PHF2: variants seen among roughly 807,000 people sequenced by gnomAD.
The protein encoded by PHF2 is lysine-specific demethylase PHF2.
A neutral mutation model predicts 120.5 loss-of-function variants in PHF2; 27 were observed. The ratio of observed to expected loss-of-function variants is 0.22; its 90% CI spans 0.17 to 0.31. PHF2 has a LOEUF of 0.31. PHF2 is among the 10% of genes least tolerant of loss of function. The pLI is 1.00. For synonymous variants in PHF2, 568 were observed against 592.5 expected (o/e 0.96, Z 0.60); for missense variants, 1,024 against 1,434.8 (o/e 0.71, Z 4.63).
intron 20 of PHF2, 70 bp from the exon 21 acceptor site, chr9:93,676,524 C>G (rs902399580): frequency 6.5e-7 from 1 of 1,526,920 alleles, no homozygotes; most frequent in Non-Finnish European, 8.8e-7. Context: ...AAGGCCATGC[C>G]GGGAGCTCCC....
intron 1 of PHF2, 126 bp downstream of exon 1, chr9:93,576,997 CATTCCGGG>C: frequency 4.3e-6 from 1 of 231,966 alleles, no homozygotes; most frequent in Non-Finnish European, 7.0e-6. Flanking sequence ...GCCGCCGCCG[CATTCCGGG>C]CGCCCCGGTC....
chr9:93,617,642 A>G (rs1825750231), intron 1 of PHF2, among the ~76,000 whole-genome samples: 1 of 152,170 alleles, frequency 6.6e-6, no homozygotes, highest in Admixed American at 6.5e-5. Flanking sequence ...GACAGAACTA[A>G]TAGATATGTA....
intron 16 of PHF2, 71 bp from the exon 17 acceptor site, chr9:93,667,009 T>G (rs531157704): frequency 7.5e-7 from 1 of 1,324,976 alleles, no homozygotes; most frequent in South Asian, 1.6e-5. Context: ...AAAAGTATCC[T>G]CCTCCCAACT....
At chr9:93,629,904 C>T (rs889249018) in intron 1 of PHF2, 66 bp from the exon 2 acceptor site, 26 of 1,487,218 alleles carry the variant, frequency 1.7e-5, no homozygotes, top group Middle Eastern at 1.7e-4. Flanking sequence ...CCTAGAGCTT[C>T]GCAGATGGAA....
At chr9:93,671,144 G>A in intron 17 of PHF2, 1 of 983,046 alleles carries the variant, frequency 1.0e-6, no homozygotes. Context: ...AGGTGCAGAT[G>A]CAGGTGTGGA....
intron 1 of PHF2, among the ~76,000 whole-genome samples, chr9:93,610,482 A>T (rs1204692892): frequency 3.9e-5 from 6 of 152,148 alleles, no homozygotes; most frequent in Admixed American, 3.9e-4. Flanking sequence ...CTCTCAGCTT[A>T]CATCACCTAT....
chr9:93,661,845 TTGA>T (rs1203660509), intron 12 of PHF2, among the ~76,000 whole-genome samples: 2 of 151,370 alleles, frequency 1.3e-5, no homozygotes, highest in African/African-American at 4.9e-5. Flanking sequence ...GATGGATGGA[TTGA>T]TGAATAAATG....
intron 1 of PHF2, among the ~76,000 whole-genome samples, chr9:93,579,567 A>C (rs1862896064): frequency 6.6e-6 from 1 of 152,144 alleles, no homozygotes; most frequent in African/African-American, 2.4e-5. Flanking sequence ...TTTAATCCTC[A>C]TGTCTCCTTA....
intron 2 of PHF2, among the ~76,000 whole-genome samples, chr9:93,636,019 A>G (rs1233856970): frequency 1.3e-5 from 2 of 151,972 alleles, no homozygotes; most frequent in Admixed American, 6.6e-5. Context: ...TAGGGAAGTG[A>G]CAGAGTCCAG....
In PHF2 at chr9:93,665,930, C is replaced by T. The variant is rs1360448876; in HGVS notation, c.2117-60C>T. Reference sequence around the variant, plus strand: ...GCCCATCCTGCCCCGGAGAGGTCTTCCCAGGGTGGCTGGCTCCCCGCAAGG... The same window carrying T: ...GCCCATCCTGCCCCGGAGAGGTCTTTCCAGGGTGGCTGGCTCCCCGCAAGG... On this transcript the variant is annotated intron_variant, in intron 15 of 21. Coordinates refer to ENST00000359246, the MANE Select transcript of PHF2 (RefSeq NM_005392.4). 6.8e-6 allele frequency: 11 copies of T among 1,611,848 alleles called. No homozygotes were observed. In the Admixed American group the frequency reaches 1.0e-4, roughly 15 times the overall value.
At chr9:93,673,510 C>T in intron 17 of PHF2, 75 bp from the exon 18 acceptor site, 1 of 1,368,270 alleles carries the variant, frequency 7.3e-7, no homozygotes, top group Non-Finnish European at 1.0e-6. Flanking sequence ...TTGTGCAGGC[C>T]ATAGGCTGTT....
At chr9:93,627,909 T>C (rs1825941050) in intron 1 of PHF2, among the ~76,000 whole-genome samples, 1 of 152,212 alleles carries the variant, frequency 6.6e-6, no homozygotes, top group Admixed American at 6.5e-5. Context: ...CTGCTGCTTC[T>C]TGTATTTTAC....
In PHF2 at chr9:93,677,659, G is replaced by A. The variant is rs1826943918; in HGVS notation, c.3274G>A (p.Gly1092Arg). Residue 1092 changes from glycine (G) to arginine (R), a missense_variant, in exon 22 of 22, where the codon GGG becomes AGG. Coordinates refer to ENST00000359246, the MANE Select transcript of PHF2 (RefSeq NM_005392.4). This position sits in a 1 kb window ranked among gnomAD's most constrained non-coding sequence, Gnocchi z 4.4. Reference sequence around the variant, plus strand: ...GAAAATTTTGAAAATTCATCGGAACGGGAAACTACTCCTTTAAGATTTGGA... The same window carrying A: ...GAAAATTTTGAAAATTCATCGGAACAGGAAACTACTCCTTTAAGATTTGGA... ...LGKILKIHRN[G>R]KLLL 1.2e-6 allele frequency: 2 copies of A among 1,613,348 alleles called. No homozygotes were observed. The highest frequency in any genetic ancestry group is 1.7e-6 in the Non-Finnish European group (2 of 1,179,474).
At chr9:93,606,840 T>G (rs187835565) in intron 1 of PHF2, among the ~76,000 whole-genome samples, 3 of 152,266 alleles carry the variant, frequency 2.0e-5, no homozygotes, top group African/African-American at 7.2e-5. Context: ...ATTTTACATT[T>G]AGGTCTATGA....
intron 17 of PHF2, among the ~76,000 whole-genome samples, chr9:93,669,363 T>C (rs1258653631): frequency 6.6e-6 from 1 of 152,202 alleles, no homozygotes; most frequent in Non-Finnish European, 1.5e-5. Flanking sequence ...GAGATGTCAG[T>C]GAGGGCAGGA....
rs1826243248 is a variant in PHF2 at position 93,645,613 on chromosome 9, C to T, written c.300-16C>T. ...CCTCGGGCCCAATGTGGCCTCTGACCTGTGCTTCCCTGCAGTGCTGAAGAC... is the reference window on the plus strand; with the variant it reads ...CCTCGGGCCCAATGTGGCCTCTGACTTGTGCTTCCCTGCAGTGCTGAAGAC... On this transcript the variant is annotated splice_polypyrimidine_tract_variant and intron_variant, in intron 3 of 21. Transcript: ENST00000359246. The T allele has an allele frequency of 4.5e-6, 7 of 1,564,368 alleles. No homozygotes were observed. The highest frequency in any genetic ancestry group is 5.2e-6 in the Non-Finnish European group (6 of 1,150,500).
intron 1 of PHF2, among the ~76,000 whole-genome samples, chr9:93,616,924 G>A (rs1270555903): frequency 6.6e-6 from 1 of 152,080 alleles, no homozygotes; most frequent in Non-Finnish European, 1.5e-5. Context: ...CCAAAGTACT[G>A]GGATTACAGG....
intron 2 of PHF2, among the ~76,000 whole-genome samples, chr9:93,636,136 T>C (rs1302622228): frequency 6.6e-6 from 1 of 152,014 alleles, no homozygotes; most frequent in Non-Finnish European, 1.5e-5. Context: ...GGAGGGGTCC[T>C]GGGAGACCCC....
At chr9:93,643,800 C>G (rs1370322330) in intron 3 of PHF2, among the ~76,000 whole-genome samples, 1 of 152,154 alleles carries the variant, frequency 6.6e-6, no homozygotes, top group Admixed American at 6.5e-5. Context: ...GTCCCTGTCC[C>G]CAGCTCCTGC....
Sources: allele counts gnomAD v4.1 joint callset (sites outside exome capture counted in the v4.1 genomes callset), GRCh38; gene constraint gnomAD v4.1.1; non-coding constraint Gnocchi (gnomAD v3.1); transcripts MANE v1.5; gene names NCBI Gene and HGNC (gene_info 2026-07-23, HGNC 2026-07-21).